MCM5: variants seen among roughly 807,000 people sequenced by gnomAD.
The protein encoded by MCM5 is minichromosome maintenance complex component 5.
Under a neutral mutation model 79.9 loss-of-function variants are expected in MCM5, and 46 were observed. The observed-to-expected ratio is 0.58, with a 90% CI of 0.45 to 0.74. The LOEUF is 0.74. Among genes scored for constraint, MCM5 ranks in the 30% least tolerant of loss-of-function variants. MCM5 has a pLI of 0.00. For missense variants in MCM5, 883 were observed against 1,017.0 expected (o/e 0.87, Z 1.79); for synonymous variants, 404 against 390.5 (o/e 1.03, Z -0.41).
At chr22:35,416,277 TC>T in intron 10 of MCM5, 61 bp from the exon 11 acceptor site, 1 of 1,515,062 alleles carries the variant, frequency 6.6e-7, no homozygotes, top group Non-Finnish European at 9.1e-7. Context: ...TTTTCCTGTT[TC>T]TACTGCTCCC....
At chr22:35,429,076 C>T (rs1290739727), downstream of MCM5, among the ~76,000 whole-genome samples, 5 of 147,648 alleles carry the variant, frequency 3.4e-5, no homozygotes, top group Non-Finnish European at 4.5e-5. Flanking sequence ...ACCTCCGCCT[C>T]CCAGGTTCAA....
Position 35,408,286 on chromosome 22 carries a change from T to C in MCM5, c.597-122T>C, listed in dbSNP as rs1932276557. On this transcript the variant is annotated intron_variant, in intron 5 of 16. Transcript: ENST00000216122. The stretch of plus-strand genomic sequence containing the variant: ...TTGCCTGCCTGGCTTATCTCCAGCT[T>C]ATTCTGGAGACCCCCATAAATTGCC... 1.9e-5 allele frequency: 16 copies of C among 846,742 alleles called. No individual in the cohort carries two copies. The East Asian group carries it at 3.8e-4, about 20-fold the overall frequency. The allele number at this position is 846,742 out of a possible 1,614,324, so 52.5% of individuals were successfully genotyped here.
intron 4 of MCM5, among the ~76,000 whole-genome samples, chr22:35,405,190 TAATTTTTAGTAGAGATGGGGTTTCACC>T (rs1932175958): frequency 6.6e-6 from 1 of 152,016 alleles, no homozygotes; most frequent in African/African-American, 2.4e-5. Flanking sequence ...CACGCCCGGC[TAATTTTTAGTAGAGATGGGGTTTCACC>T]ATGTTGGCCA....
At chr22:35,451,413 C>T in the MCM5 span, among the ~76,000 whole-genome samples, 1 of 152,278 alleles carries the variant, frequency 6.6e-6, no homozygotes, top group African/African-American at 2.4e-5. Context: ...TCTGCCAACG[C>T]AAGCTGCGCG....
chr22:35,448,678 T>G, the MCM5 span, among the ~76,000 whole-genome samples: 1 of 152,288 alleles, frequency 6.6e-6, no homozygotes, highest in Non-Finnish European at 1.5e-5. Context: ...AGGTGTTAAG[T>G]GCTGGGCATT....
intron 7 of MCM5, among the ~76,000 whole-genome samples, chr22:35,411,888 C>T (rs1188245087): frequency 6.6e-6 from 1 of 152,182 alleles, no homozygotes; most frequent in Non-Finnish European, 1.5e-5. Flanking sequence ...TGAAGCTAAG[C>T]TCCCCTTTCC....
intron 16 of MCM5, 126 bp from the exon 17 acceptor site, chr22:35,424,026 CAG>C (rs1367966117): frequency 3.2e-6 from 2 of 617,478 alleles, no homozygotes; most frequent in Non-Finnish European, 5.8e-6. Context: ...AGTGGGCACT[CAG>C]GAAGTGTGGG....
the MCM5 span, among the ~76,000 whole-genome samples, chr22:35,452,576 C>T: frequency 6.6e-6 from 1 of 152,160 alleles, no homozygotes; most frequent in Non-Finnish European, 1.5e-5. Flanking sequence ...AAACGTCTGG[C>T]AGCGGGCAGG....
At chr22:35,402,243 A>T (rs566258277) in intron 2 of MCM5, among the ~76,000 whole-genome samples, 9 of 151,302 alleles carry the variant, frequency 5.9e-5, no homozygotes, top group South Asian at 2.1e-4. Context: ...GGCTCTATTT[A>T]AAAAAAAACA....
chr22:35,407,963 A>G (rs982471851), intron 5 of MCM5, among the ~76,000 whole-genome samples: 2 of 152,166 alleles, frequency 1.3e-5, no homozygotes, highest in African/African-American at 2.4e-5. Context: ...TATAATATCT[A>G]TTGAATAATG....
At chr22:35,414,634 A>T (rs971005980) in intron 9 of MCM5, among the ~76,000 whole-genome samples, 8 of 148,652 alleles carry the variant, frequency 5.4e-5, no homozygotes, top group Non-Finnish European at 8.9e-5. Context: ...ATAATAATAA[A>T]TAATAATAAT....
rs568803147 is a variant in MCM5, at chr22:35,405,647, G to A, written c.424-906G>A. ...CTTCCAAAGTGTCGGTATTACAGGCGTGATCCACTGCACCCAGCCTTTGAA... is the reference window on the plus strand; with the variant it reads ...CTTCCAAAGTGTCGGTATTACAGGCATGATCCACTGCACCCAGCCTTTGAA... On this transcript the variant is annotated intron_variant, in intron 4 of 16. Coordinates refer to ENST00000216122, the MANE Select transcript of MCM5 (RefSeq NM_006739.4). Among the ~76,000 whole-genome samples, 8 of 152,168 alleles carry A rather than the reference G, an allele frequency of 5.3e-5. No individual in the cohort carries two copies. In the South Asian group the frequency reaches 8.3e-4, roughly 16 times the overall value.
In MCM5 at chr22:35,420,001, C is replaced by T. The variant is rs1329968390; in HGVS notation, c.1821C>T (p.Pro607=). 2.5e-6 allele frequency: 4 copies of T among 1,610,670 alleles called. No homozygotes were observed. The highest frequency in any genetic ancestry group is 2.5e-6 in the Non-Finnish European group (3 of 1,177,942). The change falls in exon 14 of 17, where the codon CCC becomes CCT. Residue 607 remains proline (P), a synonymous_variant. Transcript: ENST00000216122. The part of the protein sequence containing the change: ...ERDSDRRSSI[P]ITVRQLEAIV... The stretch of plus-strand genomic sequence containing the variant: ...ACAGTGACCGCCGCTCCAGCATCCC[C>T]ATCACTGTGCGGTGAGCAGGCGGGC...
the MCM5 span, among the ~76,000 whole-genome samples, chr22:35,433,189 C>T: frequency 2.6e-5 from 4 of 152,164 alleles, no homozygotes; most frequent in Non-Finnish European, 5.9e-5. Context: ...TTCCTGCCTC[C>T]ACCTCCTAAG....
chr22:35,403,059 G>C, intron 2 of MCM5, 148 bp from the exon 3 acceptor site: 2 of 937,140 alleles, frequency 2.1e-6, no homozygotes, highest in South Asian at 1.6e-5. Flanking sequence ...GGAATGATCT[G>C]GAATTAGATG....
chr22:35,408,200 T>G (rs959099799), intron 5 of MCM5, among the ~76,000 whole-genome samples: 1 of 152,206 alleles, frequency 6.6e-6, no homozygotes, highest in Non-Finnish European at 1.5e-5. Context: ...GCAGTTCCCT[T>G]GACTCTTAAT....
rs1339405086 is a variant in MCM5 at position 35,400,141 on chromosome 22, C to G, written c.-76C>G. 2 of 391,676 alleles carry G rather than the reference C, an allele frequency of 5.1e-6. No individual in the cohort carries two copies. The highest frequency in any genetic ancestry group is 4.2e-5 in the African/African-American group (2 of 47,614). 24.3% of individuals were successfully genotyped at this position (391,676 alleles called of 1,614,324 possible). A position where few individuals can be genotyped will look rare whatever the true frequency, so the allele number is the denominator to read the frequency against. ...TCCGAACACCGCCTCTTGTTTTTCCCGCGAAACTCGGCGGCTGAGCGTGGA... is the reference window on the plus strand; with the variant it reads ...TCCGAACACCGCCTCTTGTTTTTCCGGCGAAACTCGGCGGCTGAGCGTGGA... On this transcript the variant is annotated 5_prime_UTR_variant, in exon 1 of 17. Coordinates refer to ENST00000216122, the MANE Select transcript of MCM5 (RefSeq NM_006739.4).
At chr22:35,449,351 ATC>A in the MCM5 span, among the ~76,000 whole-genome samples, 10 of 152,088 alleles carry the variant, frequency 6.6e-5, no homozygotes, top group African/African-American at 2.2e-4. Context: ...CCTTGCCCCT[ATC>A]GTGTCTCTGC....
intron 4 of MCM5, among the ~76,000 whole-genome samples, chr22:35,403,952 C>A (rs982190252): frequency 1.6e-4 from 22 of 139,778 alleles, no homozygotes; most frequent in South Asian, 4.5e-4. Context: ...AAAAAAAAAA[C>A]AAAAAAAACA....
Sources: gnomAD v4.1 joint callset for allele counts (sites outside exome capture counted in the v4.1 genomes callset) on GRCh38, gnomAD v4.1.1 for gene constraint, MANE v1.5 for transcripts, NCBI Gene and HGNC (gene_info 2026-07-23, HGNC 2026-07-21) for gene names.